Variants in KIAA1328 observed in about 807,000 individuals in gnomAD.
KIAA1328 encodes the protein KIAA1328, also known as protein hinderin.
KIAA1328 carries 52 observed loss-of-function variants against 68.1 expected under a neutral mutation model. The ratio of observed to expected loss-of-function variants is 0.76; its 90% CI spans 0.61 to 0.96. KIAA1328 has a LOEUF of 0.96. KIAA1328 is among the 40% of genes least tolerant of loss of function. The pLI, the probability that KIAA1328 is intolerant of heterozygous loss-of-function variation, is 0.00. For synonymous variants in KIAA1328, 232 were observed against 239.4 expected (o/e 0.97, Z 0.28); for missense variants, 641 against 677.6 (o/e 0.95, Z 0.60).
At chr18:37,024,351 T>G (rs1413944755) in intron 6 of KIAA1328, among the ~76,000 whole-genome samples, 2 of 135,810 alleles carry the variant, frequency 1.5e-5, no homozygotes, top group African/African-American at 2.6e-5. Flanking sequence ...TGTATATATT[T>G]ATTATTTATT....
At chr18:37,076,877 G>A (rs1474208043) in intron 7 of KIAA1328, among the ~76,000 whole-genome samples, 3 of 152,076 alleles carry the variant, frequency 2.0e-5, no homozygotes, top group Non-Finnish European at 2.9e-5. Context: ...AGGACCAGAC[G>A]GATTCACAGC....
intron 5 of KIAA1328, among the ~76,000 whole-genome samples, chr18:36,958,229 T>C (rs2151265248): frequency 6.6e-6 from 1 of 152,318 alleles, no homozygotes; most frequent in Admixed American, 6.5e-5. Context: ...TTTACTTTTC[T>C]ACTATTAGGA....
intron 7 of KIAA1328, among the ~76,000 whole-genome samples, chr18:37,146,071 G>A (rs1449158390): frequency 6.6e-6 from 1 of 151,938 alleles, no homozygotes; most frequent in Non-Finnish European, 1.5e-5. Context: ...TGGGGAAATG[G>A]GAGGATAATA....
chr18:37,080,788 A>AG (rs2056923211), intron 7 of KIAA1328, among the ~76,000 whole-genome samples: 1 of 151,670 alleles, frequency 6.6e-6, no homozygotes, highest in African/African-American at 2.4e-5. Flanking sequence ...TGAAAAAAAA[A>AG]AAAAGAAAAA....
chr18:37,085,909 T>C (rs948824376), intron 7 of KIAA1328, among the ~76,000 whole-genome samples: 1 of 152,212 alleles, frequency 6.6e-6, no homozygotes, highest in Admixed American at 6.5e-5. Flanking sequence ...AAAATATTTA[T>C]AAGATTGTAA....
chr18:36,974,242 T>C (rs185464823), intron 6 of KIAA1328, among the ~76,000 whole-genome samples: 11 of 152,320 alleles, frequency 7.2e-5, no homozygotes, highest in South Asian at 2.1e-4. Flanking sequence ...TAGTGAAGTC[T>C]GGGCTTTTAG....
chr18:36,941,559 C>T (rs1025803720), intron 5 of KIAA1328, among the ~76,000 whole-genome samples: 1 of 152,150 alleles, frequency 6.6e-6, no homozygotes, highest in Non-Finnish European at 1.5e-5. Context: ...TGCGCCACTG[C>T]ACTCTAGCCT....
intron 7 of KIAA1328, among the ~76,000 whole-genome samples, chr18:37,081,624 T>TGTATTAGG (rs1400908378): frequency 3.9e-5 from 6 of 152,224 alleles, no homozygotes; most frequent in Non-Finnish European, 5.9e-5. Context: ...TAGGTTATGT[T>TGTATTAGG]TATTCAACCT....
At chr18:36,843,148 T>C (rs1390180115) in intron 3 of KIAA1328, among the ~76,000 whole-genome samples, 1 of 152,190 alleles carries the variant, frequency 6.6e-6, no homozygotes, top group East Asian at 1.9e-4. Context: ...TATGATTTTC[T>C]CTAGTTTGAA....
intron 9 of KIAA1328, among the ~76,000 whole-genome samples, chr18:37,210,156 G>C (rs2060289651): frequency 1.3e-5 from 2 of 152,148 alleles, no homozygotes. Flanking sequence ...TTTGTTTCTA[G>C]GCCATGTGCT....
intron 9 of KIAA1328, among the ~76,000 whole-genome samples, chr18:37,195,408 C>T (rs2059985177): frequency 6.6e-6 from 1 of 152,140 alleles, no homozygotes; most frequent in South Asian, 2.1e-4. Context: ...TGTCCTGTAG[C>T]ATCTCCTTAA....
intron 6 of KIAA1328, among the ~76,000 whole-genome samples, chr18:37,002,221 T>G (rs1037136195): frequency 1.6e-5 from 2 of 125,842 alleles, no homozygotes; most frequent in Admixed American, 2.0e-4. Flanking sequence ...TTTCTTCATT[T>G]TTTTTTCTTT....
At chr18:37,117,271 A>T (rs1340127137) in intron 7 of KIAA1328, among the ~76,000 whole-genome samples, 1 of 152,214 alleles carries the variant, frequency 6.6e-6, no homozygotes, top group African/African-American at 2.4e-5. Context: ...AGACTGGATT[A>T]AGAAAATGTG....
chr18:36,881,372 G>T (rs552987471), intron 4 of KIAA1328, among the ~76,000 whole-genome samples: 3 of 151,568 alleles, frequency 2.0e-5, no homozygotes, highest in Non-Finnish European at 4.4e-5. Context: ...CCTATTCATT[G>T]TATAGAAATT....
intron 6 of KIAA1328, among the ~76,000 whole-genome samples, chr18:37,014,270 T>G (rs2054075812): frequency 6.6e-6 from 1 of 152,238 alleles, no homozygotes; most frequent in Non-Finnish European, 1.5e-5. Flanking sequence ...ATGCAAATAT[T>G]TTCTTCCATT....
chr18:37,126,850 ATTT>A (rs2058403525), intron 7 of KIAA1328, among the ~76,000 whole-genome samples: 1 of 152,178 alleles, frequency 6.6e-6, no homozygotes, highest in Non-Finnish European at 1.5e-5. Flanking sequence ...AAACCACCTG[ATTT>A]GTTTCAACAA....
intron 7 of KIAA1328, among the ~76,000 whole-genome samples, chr18:37,105,038 C>G (rs1320631669): frequency 6.6e-6 from 1 of 152,204 alleles, no homozygotes; most frequent in African/African-American, 2.4e-5. Context: ...CCACAACTAA[C>G]CTTTTCGCCT....
At chr18:37,202,362 G>T (rs949471007) in intron 9 of KIAA1328, among the ~76,000 whole-genome samples, 7 of 152,142 alleles carry the variant, frequency 4.6e-5, no homozygotes, top group Admixed American at 1.3e-4. Flanking sequence ...CCATCAGTTT[G>T]TTGTAGTTAT....
intron 6 of KIAA1328, among the ~76,000 whole-genome samples, chr18:37,025,237 C>T (rs1180199441): frequency 1.3e-5 from 2 of 152,080 alleles, no homozygotes; most frequent in African/African-American, 4.8e-5. Flanking sequence ...TCCTCAGAGA[C>T]CTACAAAGAG....
Sources: allele counts gnomAD v4.1 joint callset (sites outside exome capture counted in the v4.1 genomes callset), GRCh38; gene constraint gnomAD v4.1.1; transcripts MANE v1.5; gene names NCBI Gene and HGNC (gene_info 2026-07-23, HGNC 2026-07-21).